The following ENOX1 variants were observed in gnomAD, a reference collection of about 807,000 sequenced individuals.
ENOX1 encodes the protein ecto-NOX disulfide-thiol exchanger 1.
ENOX1 carries 42 observed loss-of-function variants against 82.5 expected under a neutral mutation model. That is an observed-to-expected ratio of 0.51 (90% CI 0.40 to 0.66). The LOEUF is 0.66. Among genes scored for constraint, ENOX1 ranks in the 30% least tolerant of loss-of-function variants. The pLI, the probability that ENOX1 is intolerant of heterozygous loss-of-function variation, is 0.00. For synonymous variants in ENOX1, 271 were observed against 282.2 expected (o/e 0.96, Z 0.40); for missense variants, 608 against 811.6 (o/e 0.75, Z 3.05).
At chr13:43,596,188 T>C (rs1372735165) in intron 2 of ENOX1, among the ~76,000 whole-genome samples, 2 of 152,248 alleles carry the variant, frequency 1.3e-5, no homozygotes, top group South Asian at 2.1e-4. Flanking sequence ...ATTTAGGGCA[T>C]GTTAACATAG....
At chr13:43,222,380 T>TACACACACACATACACACACAC (rs2041835281) in intron 16 of ENOX1, among the ~76,000 whole-genome samples, 6 of 149,090 alleles carry the variant, frequency 4.0e-5, no homozygotes, top group African/African-American at 1.5e-4. Context: ...GAGATGATTT[T>TACACACACACATACACACACAC]ACACACACAC....
chr13:43,389,924 G>A (rs902791032), intron 5 of ENOX1, among the ~76,000 whole-genome samples: 6 of 152,146 alleles, frequency 3.9e-5, no homozygotes, highest in Non-Finnish European at 5.9e-5. Flanking sequence ...ACTTGACAGA[G>A]GGGGAGAAGG....
At chr13:43,561,289 G>A (rs891386929) in intron 2 of ENOX1, among the ~76,000 whole-genome samples, 4 of 152,214 alleles carry the variant, frequency 2.6e-5, no homozygotes, top group South Asian at 4.1e-4. Flanking sequence ...AAGCACAGCC[G>A]ACAAAGCTCC....
At chr13:43,582,431 CTTAT>C (rs2080786710) in intron 2 of ENOX1, among the ~76,000 whole-genome samples, 1 of 152,000 alleles carries the variant, frequency 6.6e-6, no homozygotes, top group Admixed American at 6.6e-5. Flanking sequence ...CTGAAAGTGT[CTTAT>C]TTATTTTCAA....
intron 2 of ENOX1, among the ~76,000 whole-genome samples, chr13:43,555,661 A>G (rs964668734): frequency 5.3e-5 from 8 of 152,194 alleles, no homozygotes; most frequent in African/African-American, 1.9e-4. Flanking sequence ...ACCTACATGG[A>G]AGCTTCCAAA....
At chr13:43,782,962 G>T (rs1952359911) in intron 1 of ENOX1, among the ~76,000 whole-genome samples, 1 of 152,128 alleles carries the variant, frequency 6.6e-6, no homozygotes, top group South Asian at 2.1e-4. Flanking sequence ...ATTATGCAGG[G>T]ACACAGGCAC....
At position 43,484,429 on chromosome 13, in the gene ENOX1, T is replaced by C. The variant is rs2058617222; in HGVS notation, c.-218-277A>G. On this transcript the variant is annotated intron_variant, in intron 2 of 16. Coordinates refer to ENST00000690772, the MANE Select transcript of ENOX1 (RefSeq NM_001347969.2). ...GGATTGAATAACTGTGGGCAGGGTA[T>C]GAGCACAAGAACAGTGACAGTATTT... 2.0e-5 allele frequency among the ~76,000 whole-genome samples: 3 copies of C among 152,192 alleles called. No individual in the cohort carries two copies. The South Asian group carries it at 6.2e-4, about 31-fold the overall frequency.
intron 5 of ENOX1, among the ~76,000 whole-genome samples, chr13:43,369,608 C>T (rs1009768624): frequency 3.9e-5 from 6 of 152,234 alleles, no homozygotes; most frequent in Non-Finnish European, 7.3e-5. Flanking sequence ...TACTCTCATG[C>T]AACTTTGAAG....
chr13:43,274,079 C>A (rs2153485125), intron 12 of ENOX1, among the ~76,000 whole-genome samples: 1 of 152,290 alleles, frequency 6.6e-6, no homozygotes, highest in Admixed American at 6.5e-5. Flanking sequence ...TGATAAACTA[C>A]TAATGTATTG....
At chr13:43,651,075 T>C (rs867835014) in intron 2 of ENOX1, among the ~76,000 whole-genome samples, 3 of 152,310 alleles carry the variant, frequency 2.0e-5, no homozygotes, top group Non-Finnish European at 2.9e-5. Flanking sequence ...TCCGTGTTTC[T>C]ATGACAGTTA....
intron 2 of ENOX1, among the ~76,000 whole-genome samples, chr13:43,618,041 T>C (rs1365039408): frequency 2.0e-5 from 3 of 152,144 alleles, no homozygotes; most frequent in Non-Finnish European, 2.9e-5. Flanking sequence ...CTTTTGAGAA[T>C]TGTCTATTCA....
intron 2 of ENOX1, among the ~76,000 whole-genome samples, chr13:43,563,663 A>G (rs78174187): frequency 0.032 from 4,841 of 152,166 alleles, 248 homozygotes; most frequent in African/African-American, 0.11. Context: ...GGAAAGACCC[A>G]GATAAATAAA....
chr13:43,604,034 T>A (rs2081867383), intron 2 of ENOX1, among the ~76,000 whole-genome samples: 1 of 149,692 alleles, frequency 6.7e-6, no homozygotes, highest in Non-Finnish European at 1.5e-5. Context: ...TTTCTCCACA[T>A]CCTCTCCAGC....
chr13:43,317,454 T>C (rs769029845), intron 11 of ENOX1, among the ~76,000 whole-genome samples: 2 of 152,158 alleles, frequency 1.3e-5, no homozygotes, highest in Non-Finnish European at 2.9e-5. Context: ...TCAGAAGTAC[T>C]ACCACCCAGA....
At chr13:43,586,187 G>A (rs931910826) in intron 2 of ENOX1, among the ~76,000 whole-genome samples, 5 of 152,174 alleles carry the variant, frequency 3.3e-5, no homozygotes, top group Admixed American at 3.3e-4. Context: ...CCCAAGCTGG[G>A]CAGGCCATTC....
At chr13:43,764,988 C>T (rs960822038) in intron 1 of ENOX1, among the ~76,000 whole-genome samples, 3 of 152,188 alleles carry the variant, frequency 2.0e-5, no homozygotes, top group Non-Finnish European at 4.4e-5. Context: ...ATTTGCTTCA[C>T]GGGCAGAACA....
At chr13:43,285,170 T>TTAAC in intron 12 of ENOX1, among the ~76,000 whole-genome samples, 1 of 152,316 alleles carries the variant, frequency 6.6e-6, no homozygotes, top group South Asian at 2.1e-4. Context: ...AACATAGTCT[T>TTAAC]TAACTAACCA....
chr13:43,406,815 A>G (rs917477466), intron 5 of ENOX1, among the ~76,000 whole-genome samples: 2 of 152,112 alleles, frequency 1.3e-5, no homozygotes, highest in Non-Finnish European at 2.9e-5. Context: ...TTTTTGGAAC[A>G]TGTGTTTAAA....
At chr13:43,608,072 T>G (rs954659610) in intron 2 of ENOX1, among the ~76,000 whole-genome samples, 1 of 152,184 alleles carries the variant, frequency 6.6e-6, no homozygotes, top group Non-Finnish European at 1.5e-5. Context: ...GATATCTTCC[T>G]TTGTTATGTG....
Sources: allele counts gnomAD v4.1 joint callset (sites outside exome capture counted in the v4.1 genomes callset), GRCh38; gene constraint gnomAD v4.1.1; transcripts MANE v1.5; gene names NCBI Gene and HGNC (gene_info 2026-07-23, HGNC 2026-07-21).